The following COL11A1 variants were observed in gnomAD, a reference collection of about 807,000 sequenced individuals.
COL11A1 encodes the protein collagen alpha-1(XI) chain.
In COL11A1, 74 loss-of-function variants were observed where a neutral mutation model predicts 265.2. The ratio of observed to expected loss-of-function variants is 0.28; its 90% CI spans 0.23 to 0.34. The LOEUF (loss-of-function observed/expected upper bound fraction) is 0.34, where lower values mean the gene tolerates loss of function less well. COL11A1 is among the 10% of genes least tolerant of loss of function. The pLI is 1.00. For synonymous variants in COL11A1, 816 were observed against 727.6 expected, an observed-to-expected ratio of 1.12 and a Z score of -1.96; for missense variants, 2,165 against 2,263.6, an observed-to-expected ratio of 0.96 and a Z score of 0.88.
At chr1:103,090,302 A>G (rs1673215722) in intron 1 of COL11A1, among the ~76,000 whole-genome samples, 1 of 152,126 alleles carries the variant, frequency 6.6e-6, no homozygotes, top group Non-Finnish European at 1.5e-5. Flanking sequence ...ATAAAATAAT[A>G]CAGAAGAAAG....
intron 1 of COL11A1, among the ~76,000 whole-genome samples, chr1:103,096,700 A>G (rs1673796396): frequency 6.6e-6 from 1 of 151,978 alleles, no homozygotes; most frequent in Non-Finnish European, 1.5e-5. Flanking sequence ...TTTCCACTGA[A>G]AGAGAACTTT....
rs1449661900 is a variant in COL11A1, at chr1:102,960,482, G to A, written c.3168+1384C>T. Among the ~76,000 whole-genome samples, 4 of 133,918 alleles carry A rather than the reference G, an allele frequency of 3.0e-5. No homozygotes were observed. In the East Asian group the frequency reaches 6.0e-4, roughly 20 times the overall value. 87.9% of individuals were successfully genotyped at this position (133,918 alleles called of 152,430 possible). A position where few individuals can be genotyped will look rare whatever the true frequency, so the allele number is the denominator to read the frequency against. Reference sequence around the variant, plus strand: ...AGATATAATAAAGGTCACTGGGTGTGTGTGTGGGGGGGGGAATTTTTACAA... The same window carrying A: ...AGATATAATAAAGGTCACTGGGTGTATGTGTGGGGGGGGGAATTTTTACAA... On this transcript the variant is annotated intron_variant, in intron 41 of 66. Transcript: ENST00000370096.
intron 46 of COL11A1, 32 bp from the exon 47 acceptor site, chr1:102,923,421 T>C (rs1163202918): frequency 6.6e-7 from 1 of 1,520,694 alleles, no homozygotes; most frequent in Non-Finnish European, 8.9e-7. Flanking sequence ...ATAATAAAAG[T>C]CACTGATGTC....
chr1:102,978,027 C>T (rs765539951), intron 35 of COL11A1, among the ~76,000 whole-genome samples: 7 of 151,994 alleles, frequency 4.6e-5, no homozygotes, highest in Non-Finnish European at 5.9e-5. Flanking sequence ...AACCTGACTC[C>T]ATAATACTGA....
chr1:103,041,311 T>C (rs1668790588), intron 4 of COL11A1, among the ~76,000 whole-genome samples: 1 of 151,952 alleles, frequency 6.6e-6, no homozygotes, highest in African/African-American at 2.4e-5. Context: ...CTGACACGTT[T>C]ATTCCTCCAA....
At position 103,084,588 on chromosome 1, in the gene COL11A1, C is replaced by T. The variant is rs572944862; in HGVS notation, c.107-1616G>A. Among the ~76,000 whole-genome samples, 110 of 111,262 alleles carry T rather than the reference C, an allele frequency of 9.9e-4. 1 individual carries two copies. Among genetic ancestry groups the T allele is most frequent in the African/African-American group, 2.9e-3 (100 of 33,988 alleles). The allele number at this position is 111,262 out of a possible 152,430, so 73.0% of individuals were successfully genotyped here. ...AAAACAGTACACTACATGAAATATG[C>T]CATTTAGAAAAAAAAAAAAAAACAC... On this transcript the variant is annotated intron_variant, in intron 1 of 66. Transcript: ENST00000370096.
At chr1:102,916,844 A>G (rs1046818882) in intron 49 of COL11A1, among the ~76,000 whole-genome samples, 1 of 151,934 alleles carries the variant, frequency 6.6e-6, no homozygotes, top group South Asian at 2.1e-4. Context: ...TTGCATTTAT[A>G]TTATTTATAA....
intron 36 of COL11A1, among the ~76,000 whole-genome samples, chr1:102,973,257 C>T (rs574090020): frequency 9.2e-5 from 14 of 152,262 alleles, no homozygotes; most frequent in African/African-American, 3.4e-4. Context: ...GTCTCTCCTA[C>T]TAGAATGCAT....
chr1:102,977,511 T>C (rs747098737), intron 35 of COL11A1, among the ~76,000 whole-genome samples: 4 of 152,088 alleles, frequency 2.6e-5, no homozygotes, highest in Non-Finnish European at 5.9e-5. Flanking sequence ...GCATATTCAC[T>C]TGTAAGGAAA....
intron 1 of COL11A1, among the ~76,000 whole-genome samples, chr1:103,088,941 C>T (rs563636349): frequency 6.6e-6 from 1 of 152,288 alleles, no homozygotes; most frequent in East Asian, 1.9e-4. Context: ...CTGCCACAAA[C>T]TCCAAGAGCC....
At chr1:102,971,671 T>C (rs1269155030) in intron 36 of COL11A1, among the ~76,000 whole-genome samples, 1 of 152,162 alleles carries the variant, frequency 6.6e-6, no homozygotes, top group Admixed American at 6.5e-5. Flanking sequence ...TTTTTCCAGG[T>C]TGGCTAGTTA....
At chr1:103,070,707 G>T (rs1380206771) in intron 4 of COL11A1, among the ~76,000 whole-genome samples, 1 of 151,758 alleles carries the variant, frequency 6.6e-6, no homozygotes, top group Non-Finnish European at 1.5e-5. Context: ...TGATTCAATT[G>T]TAACTCAATA....
intron 37 of COL11A1, among the ~76,000 whole-genome samples, chr1:102,968,931 A>G (rs1661693776): frequency 6.6e-6 from 1 of 152,202 alleles, no homozygotes; most frequent in Admixed American, 6.5e-5. Flanking sequence ...CTTTCCCCAC[A>G]AGACATTTTG....
chr1:103,067,193 T>A (rs1306413929), intron 4 of COL11A1, among the ~76,000 whole-genome samples: 1 of 151,954 alleles, frequency 6.6e-6, no homozygotes, highest in African/African-American at 2.4e-5. Context: ...CACAATGCAC[T>A]TTCTTTTTAA....
At chr1:103,076,491 C>T (rs941144108) in intron 3 of COL11A1, among the ~76,000 whole-genome samples, 2 of 152,040 alleles carry the variant, frequency 1.3e-5, no homozygotes, top group Non-Finnish European at 2.9e-5. Flanking sequence ...TGAGCTCAGA[C>T]GCCCCCTGGA....
At chr1:102,957,155 G>A (rs974150763) in intron 41 of COL11A1, among the ~76,000 whole-genome samples, 1 of 151,918 alleles carries the variant, frequency 6.6e-6, no homozygotes, top group African/African-American at 2.4e-5. Context: ...TCTATGGAGT[G>A]TCATAATAAC....
At chr1:103,021,911 G>A (rs1011398071) in intron 8 of COL11A1, 142 bp from the exon 9 acceptor site, 3 of 667,486 alleles carry the variant, frequency 4.5e-6, no homozygotes, top group Admixed American at 2.4e-5. Flanking sequence ...GCAGTGGCTC[G>A]ATCTCCGCTC....
chr1:102,883,354 A>C (rs553008435), intron 63 of COL11A1, 43 bp from the exon 64 acceptor site: 2 of 1,253,024 alleles, frequency 1.6e-6, no homozygotes. Context: ...ATTCATTGAC[A>C]TCATTGTTGA....
At chr1:102,915,100 T>A (rs1655170804) in intron 50 of COL11A1, among the ~76,000 whole-genome samples, 1 of 152,040 alleles carries the variant, frequency 6.6e-6, no homozygotes, top group East Asian at 1.9e-4. Flanking sequence ...GAGACGGGGT[T>A]TTACCACGTT....
Sources: allele counts gnomAD v4.1 joint callset (sites outside exome capture counted in the v4.1 genomes callset), GRCh38; gene constraint gnomAD v4.1.1; transcripts MANE v1.5; gene names NCBI Gene and HGNC (gene_info 2026-07-23, HGNC 2026-07-21).